KLHL24: variants seen among roughly 807,000 people sequenced by gnomAD.
KLHL24 encodes kelch-like protein 24.
In KLHL24, 29 loss-of-function variants were observed where a neutral mutation model predicts 53.4. The observed-to-expected ratio is 0.54, with a 90% CI of 0.40 to 0.74. KLHL24 has a LOEUF of 0.74. KLHL24 is among the 30% of genes least tolerant of loss of function. KLHL24 has a pLI of 0.00. For missense variants in KLHL24, 504 were observed against 744.0 expected (o/e 0.68, Z 3.75); for synonymous variants, 222 against 253.7 (o/e 0.88, Z 1.19).
chr3:183,673,793 AT>A (rs1721694222), intron 7 of KLHL24, among the ~76,000 whole-genome samples: 1 of 152,018 alleles, frequency 6.6e-6, no homozygotes, highest in Non-Finnish European at 1.5e-5. Context: ...GTCCTTAAAT[AT>A]GTTCCTTGAG....
chr3:183,664,639 A>G (rs1340286935), intron 4 of KLHL24, among the ~76,000 whole-genome samples: 1 of 152,170 alleles, frequency 6.6e-6, no homozygotes, highest in Non-Finnish European at 1.5e-5. Flanking sequence ...TTACTCTTAA[A>G]TTAACAATCT....
chr3:183,657,157 C>T (rs1175715539), intron 3 of KLHL24, among the ~76,000 whole-genome samples: 1 of 152,092 alleles, frequency 6.6e-6, no homozygotes, highest in African/African-American at 2.4e-5. Flanking sequence ...GTCATTTCCC[C>T]TGATAGATGC....
chr3:183,679,360 C>T lies in KLHL24; in HGVS notation c.*74C>T. 1.9e-6 allele frequency: 2 copies of T among 1,053,810 alleles called. No homozygotes were observed. Among genetic ancestry groups the T allele is most frequent in the African/African-American group, 3.2e-5 (2 of 63,218 alleles). 65.3% of individuals were successfully genotyped at this position (1,053,810 alleles called of 1,614,324 possible). ...TTTAAAAACTCTACAGTGGGAACTT[C>T]ACATATCTCCTTTGTGCCATATGCA... On this transcript the variant is annotated 3_prime_UTR_variant, in exon 8 of 8. Coordinates refer to ENST00000242810, the MANE Select transcript of KLHL24 (RefSeq NM_017644.3).
intron 7 of KLHL24, among the ~76,000 whole-genome samples, chr3:183,676,559 A>T (rs1404823410): frequency 2.0e-5 from 3 of 152,234 alleles, no homozygotes; most frequent in African/African-American, 7.2e-5. Context: ...AATGCAAAAA[A>T]GAGCTGAAAA....
chr3:183,669,436 G>A (rs1053258982), intron 5 of KLHL24, among the ~76,000 whole-genome samples: 2 of 152,204 alleles, frequency 1.3e-5, no homozygotes, highest in African/African-American at 2.4e-5. Context: ...TGGCAGAGCT[G>A]GTGATCAAAG....
At chr3:183,636,713 C>T (rs563298855) in intron 1 of KLHL24, 1 of 152,220 alleles carries the variant, frequency 6.6e-6, no homozygotes, top group Non-Finnish European at 1.5e-5. Flanking sequence ...GGTGGGCCTG[C>T]CCTGGGCCAT....
chr3:183,641,474 CAAAAAAAA>C (rs202119480), intron 1 of KLHL24, among the ~76,000 whole-genome samples: 1 of 70,270 alleles, frequency 1.4e-5, no homozygotes, highest in African/African-American at 5.5e-5. Flanking sequence ...GAGACTGTCT[CAAAAAAAA>C]AAAAAAAAAA....
intron 2 of KLHL24, among the ~76,000 whole-genome samples, chr3:183,648,155 A>C (rs1576900083): frequency 6.6e-6 from 1 of 152,234 alleles, no homozygotes; most frequent in East Asian, 1.9e-4. Flanking sequence ...TATTAAGTAA[A>C]TTCAGTGAGA....
intron 3 of KLHL24, among the ~76,000 whole-genome samples, chr3:183,661,113 T>A (rs1189305251): frequency 8.7e-6 from 1 of 115,420 alleles, no homozygotes; most frequent in Non-Finnish European, 1.8e-5. Context: ...GGCATGTGCC[T>A]GTAGTCCCGA....
At chr3:183,637,675 T>G (rs1715551773) in intron 1 of KLHL24, among the ~76,000 whole-genome samples, 4 of 152,210 alleles carry the variant, frequency 2.6e-5, no homozygotes, top group Admixed American at 2.6e-4. Flanking sequence ...GGTCTCACAT[T>G]CTGTCACCCA....
chr3:183,647,011 C>T (rs1175270374), intron 2 of KLHL24, among the ~76,000 whole-genome samples: 4 of 146,564 alleles, frequency 2.7e-5, no homozygotes, highest in Non-Finnish European at 6.0e-5. Context: ...GACGGGGTTT[C>T]ACTGTTAGCT....
At chr3:183,643,766 A>G (rs1019765187) in intron 2 of KLHL24, among the ~76,000 whole-genome samples, 6 of 152,212 alleles carry the variant, frequency 3.9e-5, no homozygotes, top group Non-Finnish European at 8.8e-5. Flanking sequence ...CAACTTATAT[A>G]CATTAACTCA....
chr3:183,678,938 C>G (rs1424934152), intron 7 of KLHL24, 148 bp from the exon 8 acceptor site: 2 of 636,282 alleles, frequency 3.1e-6, no homozygotes, highest in Non-Finnish European at 5.6e-6. Context: ...ACACAGAACA[C>G]AGAGAGCAGA....
At position 183,672,389 on chromosome 3, in the gene KLHL24, C is replaced by T. The variant is rs777944571; in HGVS notation, c.1507C>T (p.Leu503=). 3.1e-6 allele frequency: 5 copies of T among 1,613,534 alleles called. No homozygotes were observed. Among genetic ancestry groups the T allele is most frequent in the Admixed American group, 1.7e-5 (1 of 59,950 alleles). ...TATAACAGCTGTATCCCTAAACAAC[C>T]TGATCTATGTTGCCGGTGGACTGAC... The part of the protein sequence containing the change: ...RCITAVSLNN[L]IYVAGGLTKA... The change falls in exon 7 of 8, where the codon CTG becomes TTG. Residue 503 remains leucine, a synonymous_variant. Transcript: ENST00000242810.
Position 183,680,102 on chromosome 3 carries a change from G to A in KLHL24, c.*816G>A, listed in dbSNP as rs750148340. On this transcript the variant is annotated 3_prime_UTR_variant, in exon 8 of 8. Transcript: ENST00000242810. ...CTTTTCTTAACTTGATAAAGCAGTG[G>A]AAACCCATTTTGCAATATTGTTTTG... 5.3e-5 allele frequency: 8 copies of A among 152,128 alleles called. No individual in the cohort carries two copies. In the East Asian group the frequency reaches 1.5e-3, roughly 29 times the overall value. 9.4% of individuals were successfully genotyped at this position (152,128 alleles called of 1,614,324 possible). A position where few individuals can be genotyped will look rare whatever the true frequency, so the allele number is the denominator to read the frequency against.
chr3:183,674,011 C>T (rs1721722338), intron 7 of KLHL24, among the ~76,000 whole-genome samples: 1 of 152,136 alleles, frequency 6.6e-6, no homozygotes. Flanking sequence ...TCACCTTCTT[C>T]CCCAAACCTG....
In KLHL24 at chr3:183,651,536, A is replaced by C. The variant is rs73174034; in HGVS notation, c.920+260A>C. On this transcript the variant is annotated intron_variant, in intron 3 of 7. Coordinates refer to ENST00000242810, the MANE Select transcript of KLHL24 (RefSeq NM_017644.3). Reference sequence around the variant, plus strand: ...TTTGCAACTGTGCATATCTCAACATATTTCTACTAATTTCTCTTAACCTTT... The same window carrying C: ...TTTGCAACTGTGCATATCTCAACATCTTTCTACTAATTTCTCTTAACCTTT... 0.081 allele frequency among the ~76,000 whole-genome samples: 12,306 copies of C among 152,212 alleles called. 560 individuals are homozygous for C. The highest frequency in any genetic ancestry group is 0.19 in the Middle Eastern group (55 of 294).
rs145841354 is a variant in KLHL24 at position 183,637,571 on chromosome 3, T to G, written c.-125+1778T>G. ...GTTGAAAATGGTTTTTCTAATCGCTTGAGTTAATAGGGTATTTGCGTTTTG... is the reference window on the plus strand; with the variant it reads ...GTTGAAAATGGTTTTTCTAATCGCTGGAGTTAATAGGGTATTTGCGTTTTG... On this transcript the variant is annotated intron_variant, in intron 1 of 7. Coordinates refer to ENST00000242810, the MANE Select transcript of KLHL24 (RefSeq NM_017644.3). Among the ~76,000 whole-genome samples the G allele has an allele frequency of 3.4e-3, 513 of 152,296 alleles. 3 individuals are homozygous for G. Among genetic ancestry groups the G allele is most frequent in the East Asian group, 0.03 (157 of 5,160 alleles).
intron 3 of KLHL24, among the ~76,000 whole-genome samples, chr3:183,655,116 A>C (rs548594672): frequency 6.6e-6 from 1 of 152,310 alleles, no homozygotes; most frequent in South Asian, 2.1e-4. Context: ...CTCAACCCAT[A>C]ATAGAAATTC....
Sources: allele counts gnomAD v4.1 joint callset (sites outside exome capture counted in the v4.1 genomes callset), GRCh38; gene constraint gnomAD v4.1.1; transcripts MANE v1.5; gene names NCBI Gene and HGNC (gene_info 2026-07-23, HGNC 2026-07-21).